Variants in TRAT1 observed in about 807,000 individuals in gnomAD.
TRAT1 encodes the protein T-cell receptor-associated transmembrane adapter 1.
A neutral mutation model predicts 20.0 loss-of-function variants in TRAT1; 20 were observed. The ratio of observed to expected loss-of-function variants is 1.00; its 90% CI spans 0.70 to 1.45. The LOEUF (loss-of-function observed/expected upper bound fraction) is 1.45, where lower values mean the gene tolerates loss of function less well. Among genes scored for constraint, TRAT1 ranks in the 40% most tolerant of loss-of-function variants. TRAT1 has a pLI of 0.00. For synonymous variants in TRAT1, 77 were observed against 74.2 expected (o/e 1.04, Z -0.20); for missense variants, 237 against 224.1 (o/e 1.06, Z -0.37).
intron 2 of TRAT1, among the ~76,000 whole-genome samples, chr3:108,833,395 G>A (rs1486641934): frequency 6.6e-6 from 1 of 151,986 alleles, no homozygotes; most frequent in Non-Finnish European, 1.5e-5. Context: ...TCCAGCCTGG[G>A]TAAAAGAGCA....
intron 3 of TRAT1, among the ~76,000 whole-genome samples, chr3:108,843,998 C>T (rs1243443615): frequency 1.3e-5 from 2 of 152,278 alleles, no homozygotes; most frequent in African/African-American, 4.8e-5. Context: ...TACACACTTA[C>T]GGATCCCAAG....
intron 1 of TRAT1, among the ~76,000 whole-genome samples, chr3:108,829,619 C>CACACACACACACAACGTTTT (rs1576517989): frequency 8.7e-5 from 2 of 23,010 alleles, no homozygotes; most frequent in Non-Finnish European, 2.3e-4. Flanking sequence ...ACACACACAA[C>CACACACACACACAACGTTTT]GTTTTGGTCG....
intron 1 of TRAT1, among the ~76,000 whole-genome samples, chr3:108,825,882 T>C (rs1000293930): frequency 6.6e-6 from 1 of 152,180 alleles, no homozygotes; most frequent in Non-Finnish European, 1.5e-5. Context: ...CAGAGGATCT[T>C]ACTAAGGTTC....
At position 108,838,346 on chromosome 3, in the gene TRAT1, TATAGATAGATGATAGATAGATAGATAG is replaced by T. The variant is rs1444545936; in HGVS notation, c.119-577_119-551del. Among the ~76,000 whole-genome samples the T allele has an allele frequency of 1.8e-3, 257 of 143,386 alleles. 1 individual carries two copies. Among genetic ancestry groups the T allele is most frequent in the African/African-American group, 5.5e-3 (200 of 36,258 alleles). 94.1% of individuals were successfully genotyped at this position (143,386 alleles called of 152,430 possible). A position where few individuals can be genotyped will look rare whatever the true frequency, so the allele number is the denominator to read the frequency against. ...GATAGATAGATAGATAGATGATAGA[TATAGATAGATGATAGATAGATAGATAG>T]ATAGATAGATAGATAGATAGATAGA... On this transcript the variant is annotated intron_variant, in intron 2 of 5. Transcript: ENST00000295756.
In TRAT1 at chr3:108,853,987, A is replaced by G; in HGVS notation, c.*110A>G. 1 of 1,007,378 alleles carries G rather than the reference A, an allele frequency of 9.9e-7. No homozygotes were observed. The highest frequency in any genetic ancestry group is 1.5e-6 in the Non-Finnish European group (1 of 666,302). 62.4% of individuals were successfully genotyped at this position (1,007,378 alleles called of 1,614,324 possible). The stretch of plus-strand genomic sequence containing the variant: ...TTGGCAGCAGGGTGATGACCTGATC[A>G]TTTGTTGATGGGATGGTGGCTTACC... On this transcript the variant is annotated 3_prime_UTR_variant, in exon 6 of 6. Transcript: ENST00000295756.
intron 3 of TRAT1, among the ~76,000 whole-genome samples, chr3:108,844,841 C>T (rs1576523563): frequency 1.9e-5 from 1 of 52,084 alleles, no homozygotes; most frequent in Admixed American, 2.2e-4. Flanking sequence ...GAGACTCTGT[C>T]TCAAAAAAAA....
intron 3 of TRAT1, among the ~76,000 whole-genome samples, chr3:108,846,211 T>C (rs572450765): frequency 6.6e-6 from 1 of 152,348 alleles, no homozygotes; most frequent in South Asian, 2.1e-4. Context: ...GTCATTAACC[T>C]CTATGAGCTG....
intron 3 of TRAT1, among the ~76,000 whole-genome samples, chr3:108,842,669 T>A (rs2107512918): frequency 6.6e-6 from 1 of 152,364 alleles, no homozygotes; most frequent in East Asian, 1.9e-4. Flanking sequence ...TGCCCCCTTG[T>A]CACCTCTAGC....
At chr3:108,841,769 A>C (rs1269156848) in intron 3 of TRAT1, among the ~76,000 whole-genome samples, 1 of 152,116 alleles carries the variant, frequency 6.6e-6, no homozygotes, top group African/African-American at 2.4e-5. Flanking sequence ...AAAATCAAAT[A>C]CACACTTTCT....
At chr3:108,833,645 T>C (rs1023511974) in intron 2 of TRAT1, among the ~76,000 whole-genome samples, 3 of 152,192 alleles carry the variant, frequency 2.0e-5, no homozygotes, top group African/African-American at 7.2e-5. Flanking sequence ...TTTTTAATAG[T>C]ATACCTTTGA....
chr3:108,849,110 T>C, intron 4 of TRAT1, 56 bp from the exon 5 acceptor site: 1 of 1,397,944 alleles, frequency 7.2e-7, no homozygotes, highest in East Asian at 2.3e-5. Context: ...GTATTTTTAA[T>C]CATACTAGTA....
Position 108,849,255 on chromosome 3 carries a change from G to T in TRAT1, c.303+1G>T. The T allele has an allele frequency of 6.2e-7, 1 of 1,612,746 alleles. No individual in the cohort carries two copies. Among genetic ancestry groups the T allele is most frequent in the East Asian group, 2.2e-5 (1 of 44,854 alleles). On this transcript the variant is annotated splice_donor_variant, in intron 5 of 5. Transcript: ENST00000295756. LOFTEE classifies it high-confidence loss of function. ...GCAGGAAGCCACCCCATCTGCACAG[G>T]TGAGTTTTGTTTTCTGTTTCCACAT...
At chr3:108,843,857 C>G (rs1411533767) in intron 3 of TRAT1, among the ~76,000 whole-genome samples, 2 of 152,232 alleles carry the variant, frequency 1.3e-5, no homozygotes, top group Admixed American at 1.3e-4. Flanking sequence ...TCTGAGCCAC[C>G]TCCCTCTTTG....
chr3:108,827,172 A>G (rs1340589384), intron 1 of TRAT1, among the ~76,000 whole-genome samples: 1 of 152,156 alleles, frequency 6.6e-6, no homozygotes, highest in Admixed American at 6.6e-5. Context: ...GAGTTTTTTT[A>G]AATTGATCAA....
At chr3:108,841,342 C>T (rs1032380282) in intron 3 of TRAT1, among the ~76,000 whole-genome samples, 2 of 151,976 alleles carry the variant, frequency 1.3e-5, no homozygotes, top group African/African-American at 2.4e-5. Context: ...ATGTATATAC[C>T]TTATATTTTG....
At chr3:108,838,174 C>T (rs918156538) in intron 2 of TRAT1, among the ~76,000 whole-genome samples, 3 of 152,150 alleles carry the variant, frequency 2.0e-5, no homozygotes, top group Non-Finnish European at 4.4e-5. Context: ...AGCCTGTGTT[C>T]CAACTTTTTC....
At chr3:108,846,841 TAAG>T (rs934757797) in intron 3 of TRAT1, among the ~76,000 whole-genome samples, 7 of 152,194 alleles carry the variant, frequency 4.6e-5, no homozygotes, top group African/African-American at 1.7e-4. Context: ...TGATTCCCTG[TAAG>T]AAGATCCAAA....
At position 108,854,390 on chromosome 3, in the gene TRAT1, T is replaced by A. The variant is rs1946026713; in HGVS notation, c.*513T>A. On this transcript the variant is annotated 3_prime_UTR_variant, in exon 6 of 6. Transcript: ENST00000295756. ...TAAAATGCATTACTAAGAGAAGTAA[T>A]ATAATTTTCTTACAAAGTATTTTTC... 1 of 152,298 alleles carries A rather than the reference T, an allele frequency of 6.6e-6. No homozygotes were observed. The highest frequency in any genetic ancestry group is 6.5e-5 in the Admixed American group (1 of 15,290). The allele number at this position is 152,298 out of a possible 1,614,324, so 9.4% of individuals were successfully genotyped here.
At chr3:108,853,276 C>T (rs897981721) in intron 5 of TRAT1, among the ~76,000 whole-genome samples, 6 of 152,078 alleles carry the variant, frequency 3.9e-5, no homozygotes, top group Non-Finnish European at 7.3e-5. Context: ...ACTGGAGTAT[C>T]GTTACTTGGT....
Sources: gnomAD v4.1 joint callset for allele counts (sites outside exome capture counted in the v4.1 genomes callset) on GRCh38, gnomAD v4.1.1 for gene constraint, MANE v1.5 for transcripts, NCBI Gene and HGNC (gene_info 2026-07-23, HGNC 2026-07-21) for gene names.